LLGL2: variants seen among roughly 807,000 people sequenced by gnomAD.
The protein encoded by LLGL2 is LLGL2, scribble cell polarity complex component.
Under a neutral mutation model 123.2 loss-of-function variants are expected in LLGL2, and 81 were observed. The observed-to-expected ratio is 0.66, with a 90% confidence interval of 0.55 to 0.79. The LOEUF is 0.79. Ranked by LOEUF, LLGL2 falls within the 30% of genes least tolerant of loss-of-function variation. The pLI is 0.00. For missense variants in LLGL2, 1,273 were observed against 1,414.6 expected (o/e 0.90, Z 1.61); for synonymous variants, 577 against 594.1 (o/e 0.97, Z 0.42).
chr17:75,536,722 C>G (rs1024459693), intron 1 of LLGL2, among the ~76,000 whole-genome samples: 2 of 152,194 alleles, frequency 1.3e-5, no homozygotes, highest in Non-Finnish European at 2.9e-5. Context: ...ATAACCCTTC[C>G]GAGTACATTG....
intron 2 of LLGL2, among the ~76,000 whole-genome samples, chr17:75,547,748 C>T (rs2054491106): frequency 6.6e-6 from 1 of 151,980 alleles, no homozygotes; most frequent in South Asian, 2.1e-4. Context: ...TCAGTTGAAC[C>T]CTGGAGGCGG....
Position 75,544,799 on chromosome 17 carries a change from G to A in LLGL2, c.75+1298G>A, listed in dbSNP as rs1005164491. On this transcript the variant is annotated intron_variant, in intron 2 of 25. Transcript: ENST00000392550. This position sits in a 1 kb window ranked among gnomAD's most constrained non-coding sequence, Gnocchi z 4.2. ...TGTTTCTTAGCCTGTGGGAGGAGTT[G>A]GTGTCCCTGATGGAGCTTTGCCACG... is the stretch of plus-strand genomic sequence containing the variant. Among the ~76,000 whole-genome samples the A allele has an allele frequency of 6.6e-6, 1 of 152,150 alleles. No homozygotes were observed. Among genetic ancestry groups the A allele is most frequent in the Non-Finnish European group, 1.5e-5 (1 of 68,022 alleles).
intron 21 of LLGL2, 76 bp from the exon 22 acceptor site, chr17:75,573,876 T>G: frequency 7.3e-6 from 11 of 1,504,486 alleles, no homozygotes; most frequent in Middle Eastern, 1.7e-4. Flanking sequence ...ATTGACTTGT[T>G]CTTCATGGGA....
Position 75,573,636 on chromosome 17 carries a change from G to T in LLGL2, c.2876+5G>T, listed in dbSNP as rs748350453. 2 of 1,606,508 alleles carry T rather than the reference G, an allele frequency of 1.2e-6. No homozygotes were observed. The highest frequency in any genetic ancestry group is 1.7e-6 in the Non-Finnish European group (2 of 1,177,002). On this transcript the variant is annotated splice_donor_5th_base_variant and intron_variant, in intron 21 of 25. Transcript: ENST00000392550. ...GAAGGCCCCGAGCCGAGCCAGGTGA[G>T]TGAAAGGGCCAGAGGCCTCTCCCGC...
At position 75,556,125 on chromosome 17, in the gene LLGL2, G is replaced by A. The variant is rs766498095; in HGVS notation, c.155G>A (p.Arg52His). The A allele has an allele frequency of 1.1e-5, 17 of 1,610,118 alleles. No homozygotes were observed. The highest frequency in any genetic ancestry group is 8.9e-5 in the East Asian group (4 of 44,874). ...PSLRILAIGT[R>H]SGAIKLYGAP... The stretch of plus-strand genomic sequence containing the variant: ...CTGCGCATCCTGGCCATCGGCACCC[G>A]TTCTGGAGCCATCAAGCTGTATCCT... The change falls in exon 3 of 26, where the codon CGT becomes CAT. Residue 52 changes from arginine to histidine, a missense_variant. Coordinates refer to ENST00000392550, the MANE Select transcript of LLGL2 (RefSeq NM_001031803.2).
At chr17:75,566,687 G>A (rs2055456740) in intron 10 of LLGL2, among the ~76,000 whole-genome samples, 1 of 152,196 alleles carries the variant, frequency 6.6e-6, no homozygotes, top group Non-Finnish European at 1.5e-5. Flanking sequence ...TCTAGGGAGA[G>A]GTAAACGAGG....
At chr17:75,560,183 T>C (rs1194751315) in intron 6 of LLGL2, among the ~76,000 whole-genome samples, 5 of 152,322 alleles carry the variant, frequency 3.3e-5, no homozygotes, top group African/African-American at 7.2e-5. Flanking sequence ...GGGCAGGGCA[T>C]GACTGGGCTG....
intron 6 of LLGL2, 98 bp from the exon 7 acceptor site, chr17:75,562,918 C>T (rs1431466681): frequency 2.1e-6 from 3 of 1,423,986 alleles, no homozygotes; most frequent in Middle Eastern, 2.3e-4. Context: ...GCACATGGAG[C>T]AGCCACCTCT....
chr17:75,531,267 A>G (rs755908584), intron 1 of LLGL2, among the ~76,000 whole-genome samples: 6 of 152,168 alleles, frequency 3.9e-5, no homozygotes, highest in Admixed American at 6.5e-5. Flanking sequence ...CAGGTGGCCC[A>G]TGAGCCCCTG....
In LLGL2 at chr17:75,558,036, G is replaced by T. The variant is rs543970835; in HGVS notation, c.174-119G>T. ...CTCCATGCATGGGTCCTGCTGCCTC[G>T]GGGGAGGGCAGCCCCTCTCTGTGTT... On this transcript the variant is annotated intron_variant, in intron 3 of 25. Transcript: ENST00000392550. The surrounding 1 kb of genome is among the most constrained non-coding windows in gnomAD (Gnocchi z 4.0). 819 of 967,756 alleles carry T rather than the reference G, an allele frequency of 8.5e-4. 1 individual carries two copies. The highest frequency in any genetic ancestry group is 1.1e-3 in the Non-Finnish European group (685 of 599,614). 59.9% of individuals were successfully genotyped at this position (967,756 alleles called of 1,614,324 possible).
At position 75,571,109 on chromosome 17, in the gene LLGL2, C is replaced by G; in HGVS notation, c.2176+9C>G. ...CACCTACCTGAAGGACAGTGAGTGG[C>G]CAGCCTGGGGTTGGGGGGCAGGGGG... is the stretch of plus-strand genomic sequence containing the variant. On this transcript the variant is annotated intron_variant, in intron 17 of 25. Transcript: ENST00000392550. 3.1e-6 allele frequency: 5 copies of G among 1,605,542 alleles called. No homozygotes were observed. The highest frequency in any genetic ancestry group is 4.3e-6 in the Non-Finnish European group (5 of 1,175,012).
chr17:75,547,239 G>A (rs1461133839), intron 2 of LLGL2, among the ~76,000 whole-genome samples: 2 of 152,210 alleles, frequency 1.3e-5, no homozygotes, highest in East Asian at 1.9e-4. Context: ...CTGTGATTGC[G>A]AACAGTCTCT....
chr17:75,557,680 C>T (rs1473890393), intron 3 of LLGL2: 3 of 300,510 alleles, frequency 1.0e-5, no homozygotes, highest in South Asian at 8.7e-5. Flanking sequence ...CAGGGCCTTG[C>T]TGCGGGCTCA....
intron 1 of LLGL2, among the ~76,000 whole-genome samples, chr17:75,528,362 C>T (rs2053649379): frequency 6.6e-6 from 1 of 152,048 alleles, no homozygotes; most frequent in African/African-American, 2.4e-5. Context: ...TGATCTGCCC[C>T]TCTCAGCCTC....
At position 75,568,755 on chromosome 17, in the gene LLGL2, T is replaced by C; in HGVS notation, c.1255-17T>C. The C allele has an allele frequency of 6.2e-7, 1 of 1,610,616 alleles. No individual in the cohort carries two copies. Among genetic ancestry groups the C allele is most frequent in the Non-Finnish European group, 8.5e-7 (1 of 1,177,824 alleles). On this transcript the variant is annotated splice_polypyrimidine_tract_variant and intron_variant, in intron 11 of 25. Transcript: ENST00000392550. ...CAAGCCAAACTCTCCCATGGACTTCTTGGTCTCTTTTTCTAGGAGTGGCCA... is the reference window on the plus strand; with the variant it reads ...CAAGCCAAACTCTCCCATGGACTTCCTGGTCTCTTTTTCTAGGAGTGGCCA...
At position 75,574,476 on chromosome 17, in the gene LLGL2, A is replaced by G; in HGVS notation, c.2977A>G (p.Thr993Ala). ...AGGAGTCCTGAAGGAAATCCAGAGC[A>G]CACTGGAGGGAGACCGCGGGTGAGG... ...DERVLKEIQS[T>A]LEGDRGSGNW... The change falls in exon 24 of 26, where the codon ACA becomes GCA. Residue 993 changes from threonine to alanine, a missense_variant. Physicochemically the swap from Thr to Ala is moderately conservative, Grantham distance 58 (BLOSUM62 0). Coordinates refer to ENST00000392550, the MANE Select transcript of LLGL2 (RefSeq NM_001031803.2). 1 of 1,554,140 alleles carries G rather than the reference A, an allele frequency of 6.4e-7. No individual in the cohort carries two copies. Among genetic ancestry groups the G allele is most frequent in the Non-Finnish European group, 8.7e-7 (1 of 1,150,126 alleles).
intron 2 of LLGL2, among the ~76,000 whole-genome samples, chr17:75,555,460 C>T (rs1009158851): frequency 6.6e-6 from 1 of 151,984 alleles, no homozygotes; most frequent in African/African-American, 2.4e-5. Flanking sequence ...GAAAAAAACA[C>T]GTATGTGCAA....
intron 6 of LLGL2, chr17:75,562,732 C>G (rs761596245): frequency 1.2e-5 from 5 of 425,698 alleles, no homozygotes; most frequent in Non-Finnish European, 2.2e-5. Flanking sequence ...CCACGCCCAG[C>G]TAATGTTTTA....
In LLGL2 at chr17:75,563,029, G is replaced by A; in HGVS notation, c.544G>A (p.Ala182Thr). The A allele has an allele frequency of 6.2e-7, 1 of 1,612,222 alleles. No individual in the cohort carries two copies. The highest frequency in any genetic ancestry group is 8.5e-7 in the Non-Finnish European group (1 of 1,180,002). ...DAVLQRLPEE[A>T]RHRRVFEMVE... is the part of the protein sequence containing the mutation. ...CCCCTCGCCCAGGTTGCCAGAGGAGGCCCGCCACCGGCGTGTGTTCGAGAT... is the reference window on the plus strand; with the variant it reads ...CCCCTCGCCCAGGTTGCCAGAGGAGACCCGCCACCGGCGTGTGTTCGAGAT... Residue 182 changes from alanine (A) to threonine (T), a missense_variant, in exon 7 of 26, where the codon GCC (alanine) becomes ACC (threonine). Coordinates refer to ENST00000392550, the MANE Select transcript of LLGL2 (RefSeq NM_001031803.2).
Sources: allele counts gnomAD v4.1 joint callset (sites outside exome capture counted in the v4.1 genomes callset), GRCh38; gene constraint gnomAD v4.1.1; non-coding constraint Gnocchi (gnomAD v3.1); transcripts MANE v1.5; gene names NCBI Gene and HGNC (gene_info 2026-07-23, HGNC 2026-07-21).